Variants in PRKD1 observed in about 807,000 individuals in gnomAD.
The protein encoded by PRKD1 is protein kinase D1.
Under a neutral mutation model 95.9 loss-of-function variants are expected in PRKD1, and 63 were observed. The ratio of observed to expected loss-of-function variants is 0.66; its 90% CI spans 0.54 to 0.81. The LOEUF is 0.81. Ranked by LOEUF, PRKD1 falls within the 30% of genes least tolerant of loss-of-function variation. The pLI is 0.00. For missense variants in PRKD1, 1,048 were observed against 1,165.3 expected (o/e 0.90, Z 1.47); for synonymous variants, 425 against 423.1 (o/e 1.00, Z -0.05).
intron 2 of PRKD1, among the ~76,000 whole-genome samples, chr14:29,721,809 GTTA>G (rs1021970550): frequency 2.0e-5 from 3 of 152,070 alleles, no homozygotes; most frequent in African/African-American, 7.2e-5. Flanking sequence ...TCATGCAGTT[GTTA>G]TTTTTTTCCT....
intron 2 of PRKD1, among the ~76,000 whole-genome samples, chr14:29,686,374 C>T (rs1219062205): frequency 6.6e-6 from 1 of 152,160 alleles, no homozygotes; most frequent in African/African-American, 2.4e-5. Flanking sequence ...GCTTTAAGCT[C>T]TACACTCTGG....
intron 9 of PRKD1, among the ~76,000 whole-genome samples, chr14:29,631,890 C>T (rs563410058): frequency 6.6e-6 from 1 of 152,016 alleles, no homozygotes; most frequent in South Asian, 2.1e-4. Context: ...CAAACTCCGC[C>T]TCCTAGATTA....
At chr14:29,623,726 T>C (rs370499256) in intron 13 of PRKD1, among the ~76,000 whole-genome samples, 5 of 152,290 alleles carry the variant, frequency 3.3e-5, no homozygotes, top group East Asian at 1.9e-4. Flanking sequence ...AGGACATTAA[T>C]AAAATCAACA....
intron 1 of PRKD1, among the ~76,000 whole-genome samples, chr14:29,726,893 T>C (rs1328040218): frequency 3.3e-5 from 5 of 151,884 alleles, no homozygotes; most frequent in Non-Finnish European, 5.9e-5. Flanking sequence ...ATATGTCCAA[T>C]AGTCCTTTGG....
chr14:29,681,513 T>A (rs905786782), intron 2 of PRKD1, among the ~76,000 whole-genome samples: 2 of 152,198 alleles, frequency 1.3e-5, no homozygotes, highest in African/African-American at 4.8e-5. Context: ...AAGGGAAGAA[T>A]GAATAAGCTG....
chr14:29,893,397 GA>G (rs1894007804), intron 1 of PRKD1, among the ~76,000 whole-genome samples: 1 of 123,188 alleles, frequency 8.1e-6, no homozygotes, highest in Non-Finnish European at 1.7e-5. Context: ...ATAATAGAAA[GA>G]GGTTTTTTTT....
chr14:29,861,663 T>C (rs1435927644), intron 1 of PRKD1, among the ~76,000 whole-genome samples: 4 of 152,140 alleles, frequency 2.6e-5, no homozygotes, highest in Non-Finnish European at 5.9e-5. Context: ...TTCGTTTTTG[T>C]TTTTTCTGAG....
At position 29,832,275 on chromosome 14, in the gene PRKD1, G is replaced by C. The variant is rs538111411; in HGVS notation, c.264+94974C>G. 1.5e-4 allele frequency among the ~76,000 whole-genome samples: 23 copies of C among 152,244 alleles called. No individual in the cohort carries two copies. In the South Asian group the frequency reaches 4.8e-3, roughly 32 times the overall value. On this transcript the variant is annotated intron_variant, in intron 1 of 17. Coordinates refer to ENST00000331968, the MANE Select transcript of PRKD1 (RefSeq NM_002742.3). Reference sequence around the variant, plus strand: ...CTTAAACTTCTGTTGGTGGGTATATGAAATGTTGCTCTCATCCTTATTTTA... The same window carrying C: ...CTTAAACTTCTGTTGGTGGGTATATCAAATGTTGCTCTCATCCTTATTTTA...
chr14:29,767,589 G>A (rs910245105), intron 1 of PRKD1, among the ~76,000 whole-genome samples: 1 of 152,026 alleles, frequency 6.6e-6, no homozygotes, highest in African/African-American at 2.4e-5. Context: ...ATCCATCACT[G>A]GATTCATTCC....
At chr14:29,874,390 T>C (rs1264771696) in intron 1 of PRKD1, among the ~76,000 whole-genome samples, 1 of 152,206 alleles carries the variant, frequency 6.6e-6, no homozygotes, top group East Asian at 1.9e-4. Flanking sequence ...TGTAAATTAG[T>C]ATGACCACTA....
intron 1 of PRKD1, among the ~76,000 whole-genome samples, chr14:29,824,537 C>T (rs1272457733): frequency 6.6e-6 from 1 of 152,114 alleles, no homozygotes; most frequent in African/African-American, 2.4e-5. Context: ...ACATCATTTT[C>T]TATTCAGGGC....
At chr14:29,785,309 T>C (rs1196225191) in intron 1 of PRKD1, among the ~76,000 whole-genome samples, 1 of 152,234 alleles carries the variant, frequency 6.6e-6, no homozygotes, top group Non-Finnish European at 1.5e-5. Context: ...AGGTATTTTT[T>C]AAATTTATTT....
chr14:29,616,081 G>A (rs1229521904), intron 13 of PRKD1, among the ~76,000 whole-genome samples: 1 of 151,950 alleles, frequency 6.6e-6, no homozygotes, highest in African/African-American at 2.4e-5. Context: ...CTCTGGAAAT[G>A]AGCTTCAAAT....
At chr14:29,637,768 G>A (rs1167661366) in intron 6 of PRKD1, among the ~76,000 whole-genome samples, 1 of 152,164 alleles carries the variant, frequency 6.6e-6, no homozygotes, top group East Asian at 1.9e-4. Flanking sequence ...AGCAAAGATA[G>A]TCATTCTTCA....
chr14:29,920,750 G>A (rs1437618644), intron 1 of PRKD1, among the ~76,000 whole-genome samples: 1 of 151,990 alleles, frequency 6.6e-6, no homozygotes, highest in Admixed American at 6.6e-5. Flanking sequence ...GTAGGTAGTG[G>A]GAATATCTAA....
At chr14:29,642,141 G>A (rs1880820767) in intron 4 of PRKD1, among the ~76,000 whole-genome samples, 1 of 151,978 alleles carries the variant, frequency 6.6e-6, no homozygotes, top group Non-Finnish European at 1.5e-5. Context: ...GACCTCAGGT[G>A]ATCCACCTGC....
rs200765754 is a variant in PRKD1, at chr14:29,630,924, G to A, written c.1490C>T (p.Ala497Val). Reference protein sequence around the residue: ...ANPHCFEITTANVVYYVGENV... With the variant: ...ANPHCFEITTVNVVYYVGENV... ...TTCTCCCACATAATACACTACATTT[G>A]CCGTAGTGATTTCGAAACAATGAGG... The change falls in exon 10 of 18, where the codon GCA becomes GTA. Residue 497 changes from alanine (A) to valine (V), a missense_variant. Ala to Val is a moderately conservative substitution (Grantham distance 64, BLOSUM62 0). This residue lies in a region of PRKD1 where 739 missense variants were observed against 861.9 expected (regional missense o/e 0.86). Transcript: ENST00000331968. The A allele has an allele frequency of 2.5e-6, 4 of 1,614,014 alleles. No homozygotes were observed. The highest frequency in any genetic ancestry group is 2.2e-5 in the East Asian group (1 of 44,878).
intron 7 of PRKD1, among the ~76,000 whole-genome samples, chr14:29,635,514 C>G (rs1880308778): frequency 6.6e-6 from 1 of 152,166 alleles, no homozygotes; most frequent in Admixed American, 6.5e-5. Context: ...TTGCTCTACT[C>G]TCATGAACAA....
intron 13 of PRKD1, among the ~76,000 whole-genome samples, chr14:29,607,881 G>C (rs8015079): frequency 5.3e-5 from 8 of 151,768 alleles, no homozygotes; most frequent in Non-Finnish European, 2.9e-5. Flanking sequence ...AGGGGTATGT[G>C]GGGGGGCATT....
Sources: gnomAD v4.1 joint callset for allele counts (sites outside exome capture counted in the v4.1 genomes callset) on GRCh38, gnomAD v4.1.1 for gene constraint, gnomAD v4.1.1 regional missense constraint, MANE v1.5 for transcripts, NCBI Gene and HGNC (gene_info 2026-07-23, HGNC 2026-07-21) for gene names.